Variants in KANSL1L observed in about 807,000 individuals in gnomAD.
KANSL1L encodes KAT8 regulatory NSL complex subunit 1 like.
Under a neutral mutation model 108.6 loss-of-function variants are expected in KANSL1L, and 25 were observed. The ratio of observed to expected loss-of-function variants is 0.23; its 90% CI spans 0.17 to 0.32. The LOEUF (loss-of-function observed/expected upper bound fraction) is 0.32, where lower values mean the gene tolerates loss of function less well. KANSL1L is among the 10% of genes least tolerant of loss of function. KANSL1L has a pLI of 1.00. For missense variants in KANSL1L, 1,137 were observed against 1,125.7 expected (o/e 1.01, Z -0.14); for synonymous variants, 405 against 395.1 (o/e 1.03, Z -0.30).
At chr2:210,119,359 T>C (rs1054694250) in intron 3 of KANSL1L, among the ~76,000 whole-genome samples, 1 of 152,158 alleles carries the variant, frequency 6.6e-6, no homozygotes, top group Non-Finnish European at 1.5e-5. Context: ...TACTGTGATA[T>C]TAAAACTAGC....
intron 1 of KANSL1L, among the ~76,000 whole-genome samples, chr2:210,169,267 T>C (rs1050266733): frequency 4.4e-4 from 67 of 152,132 alleles, no homozygotes; most frequent in African/African-American, 1.6e-3. Context: ...TGTAGTGAAA[T>C]ATACACTAGC....
chr2:210,143,341 G>C (rs1323532343), intron 2 of KANSL1L, among the ~76,000 whole-genome samples: 1 of 151,570 alleles, frequency 6.6e-6, no homozygotes. Flanking sequence ...CCTTATACTG[G>C]AAGTGAGTCT....
At chr2:210,034,405 G>A (rs1159883730) in intron 8 of KANSL1L, among the ~76,000 whole-genome samples, 5 of 152,108 alleles carry the variant, frequency 3.3e-5, no homozygotes, top group African/African-American at 1.2e-4. Context: ...ATGGCCCAAG[G>A]GAACAGGACA....
chr2:210,114,198 G>A (rs1378151730), intron 3 of KANSL1L, among the ~76,000 whole-genome samples: 1 of 152,074 alleles, frequency 6.6e-6, no homozygotes, highest in Non-Finnish European at 1.5e-5. Context: ...GCACATGCAA[G>A]GGATCCTCCG....
In KANSL1L at chr2:210,153,960, G is replaced by A. The variant is rs781242025; in HGVS notation, c.623C>T (p.Pro208Leu). The part of the protein sequence containing the change: ...KKIVPGHSNV[P>L]VSSSAAEKEE... ...TTTTTCAGCAGCTGAAGAACTAACAGGCACATTTGAGTGGCCAGGTACAAT... is the reference window on the plus strand; with the variant it reads ...TTTTTCAGCAGCTGAAGAACTAACAAGCACATTTGAGTGGCCAGGTACAAT... Residue 208 changes from proline to leucine, a missense_variant, in exon 2 of 15, where the codon CCT (proline) becomes CTT (leucine). Physicochemically the swap from Pro to Leu is moderately conservative, Grantham distance 98. Coordinates refer to ENST00000281772, the MANE Select transcript of KANSL1L (RefSeq NM_152519.4). 6.2e-7 allele frequency: 1 copy of A among 1,613,570 alleles called. No individual in the cohort carries two copies.
intron 2 of KANSL1L, among the ~76,000 whole-genome samples, chr2:210,146,762 A>C (rs895742810): frequency 1.3e-4 from 20 of 152,218 alleles, no homozygotes; most frequent in Non-Finnish European, 2.6e-4. Context: ...GAGGATTGTG[A>C]TTCACTGATT....
chr2:210,050,175 A>G (rs2094273895), intron 6 of KANSL1L, among the ~76,000 whole-genome samples: 1 of 152,226 alleles, frequency 6.6e-6, no homozygotes, highest in Non-Finnish European at 1.5e-5. Flanking sequence ...ATAATAATCT[A>G]TGTATGCATA....
At chr2:210,158,715 A>AC (rs968457345) in intron 1 of KANSL1L, among the ~76,000 whole-genome samples, 21 of 152,004 alleles carry the variant, frequency 1.4e-4, no homozygotes, top group African/African-American at 2.4e-5. Context: ...AAAAAAAAAA[A>AC]ACCTAGCCTA....
chr2:210,076,593 T>A (rs780237618), intron 5 of KANSL1L, among the ~76,000 whole-genome samples: 39 of 152,078 alleles, frequency 2.6e-4, no homozygotes, highest in Non-Finnish European at 5.1e-4. Context: ...TTTCCAATGT[T>A]ACAGAAACAA....
chr2:210,120,328 G>A lies in KANSL1L; in HGVS notation c.1230+8703C>T, dbSNP rs187906281. ...AATTGCTAGAAGCCAGGAGGCGGAG[G>A]TTGCAGTGAGCGGAGATCACGCCAC... On this transcript the variant is annotated intron_variant, in intron 3 of 14. Transcript: ENST00000281772. 1.2e-3 allele frequency among the ~76,000 whole-genome samples: 186 copies of A among 152,312 alleles called. 1 individual carries two copies. Among genetic ancestry groups the A allele is most frequent in the African/African-American group, 4.2e-3 (175 of 41,568 alleles).
chr2:210,164,656 C>CT lies in KANSL1L; in HGVS notation c.-30+6492dup, dbSNP rs1417944884. Among the ~76,000 whole-genome samples the CT allele has an allele frequency of 9.2e-5, 14 of 152,006 alleles. No individual in the cohort carries two copies. In the East Asian group the frequency reaches 2.7e-3, roughly 29 times the overall value. ...AAGAAAACTGGAAAAAAGAATTAAA[C>CT]TTTTTGTCACAACACACAGAAATGA... is the stretch of plus-strand genomic sequence containing the variant. On this transcript the variant is annotated intron_variant, in intron 1 of 14. Transcript: ENST00000281772.
intron 6 of KANSL1L, among the ~76,000 whole-genome samples, chr2:210,049,290 C>CA (rs1468632959): frequency 6.6e-6 from 1 of 151,952 alleles, no homozygotes; most frequent in East Asian, 1.9e-4. Flanking sequence ...TCCACCCCCC[C>CA]ACCCCTCCAC....
intron 3 of KANSL1L, among the ~76,000 whole-genome samples, chr2:210,121,310 C>A (rs1411039163): frequency 1.3e-5 from 2 of 152,194 alleles, no homozygotes; most frequent in Non-Finnish European, 2.9e-5. Flanking sequence ...GAATACTATG[C>A]AGCCATAAAA....
At chr2:210,133,686 G>C (rs1419407695) in intron 2 of KANSL1L, among the ~76,000 whole-genome samples, 1 of 152,012 alleles carries the variant, frequency 6.6e-6, no homozygotes, top group Admixed American at 6.6e-5. Context: ...AACATGTATA[G>C]CCATACAGCA....
intron 6 of KANSL1L, among the ~76,000 whole-genome samples, chr2:210,054,898 C>T (rs2094333632): frequency 6.6e-6 from 1 of 152,018 alleles, no homozygotes; most frequent in South Asian, 2.1e-4. Flanking sequence ...CAGAAAACCC[C>T]AAAGAACAAA....
chr2:210,030,680 TAAAAA>T (rs569260276), intron 9 of KANSL1L: 8 of 151,550 alleles, frequency 5.3e-5, no homozygotes, highest in Non-Finnish European at 1.0e-4. Flanking sequence ...CTCCATTTGT[TAAAAA>T]AAAGTCCTTT....
Position 210,028,867 on chromosome 2 carries a change from A to G in KANSL1L, c.2374T>C (p.Tyr792His). The G allele has an allele frequency of 6.3e-7, 1 of 1,595,692 alleles. No homozygotes were observed. Among genetic ancestry groups the G allele is most frequent in the Non-Finnish European group, 8.6e-7 (1 of 1,164,478 alleles). Residue 792 changes from tyrosine to histidine, a missense_variant, in exon 11 of 15, where the codon TAT becomes CAT. Physicochemically the swap from Tyr to His is moderately conservative, Grantham distance 83. Coordinates refer to ENST00000281772, the MANE Select transcript of KANSL1L (RefSeq NM_152519.4). ...TACCTTGGAGTAAGTATTTCCTTAT[A>G]TTGGAGTTTCTCTAATTTAGCTGGG... The part of the protein sequence containing the change: ...VAPAKLEKLQ[Y>H]KEILTPSWRM...
At chr2:210,153,330 G>A in intron 2 of KANSL1L, 165 bp downstream of exon 2, 1 of 577,218 alleles carries the variant, frequency 1.7e-6, no homozygotes, top group East Asian at 3.2e-5. Flanking sequence ...CTCCAGCCTG[G>A]GCGACAGAGC....
intron 5 of KANSL1L, chr2:210,096,360 CTG>C: frequency 3.8e-6 from 1 of 262,118 alleles, no homozygotes; most frequent in Non-Finnish European, 5.9e-6. Context: ...ACCAACCAGA[CTG>C]TGAGTTATTC....
Sources: allele counts gnomAD v4.1 joint callset (sites outside exome capture counted in the v4.1 genomes callset), GRCh38; gene constraint gnomAD v4.1.1; transcripts MANE v1.5; gene names NCBI Gene and HGNC (gene_info 2026-07-23, HGNC 2026-07-21).